Variants in CALCR observed in about 807,000 individuals in gnomAD.
CALCR encodes calcitonin receptor.
CALCR carries 47 observed loss-of-function variants against 59.5 expected under a neutral mutation model. The observed-to-expected ratio is 0.79, with a 90% CI of 0.63 to 1.01. The LOEUF is 1.01. Among genes scored for constraint, CALCR ranks in the 50% least tolerant of loss-of-function variants. CALCR has a pLI of 0.00. For synonymous variants in CALCR, 213 were observed against 211.3 expected, an observed-to-expected ratio of 1.01 and a Z score of -0.07; for missense variants, 566 against 597.1, an observed-to-expected ratio of 0.95 and a Z score of 0.54.
chr7:93,494,125 A>G (rs1288919542), intron 2 of CALCR, among the ~76,000 whole-genome samples: 2 of 151,444 alleles, frequency 1.3e-5, no homozygotes, highest in Admixed American at 6.6e-5. Flanking sequence ...GATCCTACTC[A>G]TTAATTCCAA....
At chr7:93,551,765 A>T (rs1187379737) in intron 2 of CALCR, among the ~76,000 whole-genome samples, 1 of 152,168 alleles carries the variant, frequency 6.6e-6, no homozygotes, top group East Asian at 1.9e-4. Flanking sequence ...TAGGAGTCAA[A>T]TTCTGCAGTA....
chr7:93,521,410 T>C (rs571567324), intron 2 of CALCR, among the ~76,000 whole-genome samples: 9 of 152,258 alleles, frequency 5.9e-5, no homozygotes, highest in Admixed American at 4.6e-4. Context: ...TTTTTATAGA[T>C]ACAAAGGAAT....
At chr7:93,528,136 C>T (rs936178611) in intron 2 of CALCR, among the ~76,000 whole-genome samples, 5 of 152,232 alleles carry the variant, frequency 3.3e-5, no homozygotes, top group East Asian at 3.9e-4. Flanking sequence ...AAATAAATTT[C>T]GTACACTTCT....
chr7:93,450,118 G>C (rs1424353453), intron 8 of CALCR, among the ~76,000 whole-genome samples: 2 of 151,924 alleles, frequency 1.3e-5, no homozygotes, highest in Non-Finnish European at 2.9e-5. Context: ...CAACATAAAA[G>C]AACACTTTTC....
chr7:93,515,985 A>T (rs77534893), intron 2 of CALCR, among the ~76,000 whole-genome samples: 1 of 120,166 alleles, frequency 8.3e-6, no homozygotes, highest in African/African-American at 5.0e-5. Flanking sequence ...AAAATATAAG[A>T]AAGCATTGAG....
chr7:93,489,867 C>T (rs2115947575), intron 2 of CALCR, among the ~76,000 whole-genome samples: 1 of 151,966 alleles, frequency 6.6e-6, no homozygotes, highest in African/African-American at 2.4e-5. Flanking sequence ...TGAAACTATT[C>T]TGAAGAATTG....
chr7:93,460,595 A>G (rs372099595), intron 8 of CALCR, among the ~76,000 whole-genome samples: 15 of 77,818 alleles, frequency 1.9e-4, no homozygotes, highest in Middle Eastern at 7.7e-3. Context: ...ATATATATGT[A>G]TATATATATA....
chr7:93,443,407 A>C (rs1799949386), intron 9 of CALCR, among the ~76,000 whole-genome samples, 197 bp downstream of exon 9: 1 of 152,002 alleles, frequency 6.6e-6, no homozygotes, highest in South Asian at 2.1e-4. Context: ...GCAGACCCTC[A>C]TGTTCAGCAC....
At position 93,512,527 on chromosome 7, in the gene CALCR, A is replaced by C. The variant is rs188707519; in HGVS notation, c.-26-25520T>G. On this transcript the variant is annotated intron_variant, in intron 2 of 13. Transcript: ENST00000426151. ...TAATTCAGGGCCTTAAAAAATGCAC[A>C]TAAGATGAGACTTTTGTAAAGTTTA... Among the ~76,000 whole-genome samples the C allele has an allele frequency of 5.1e-4, 77 of 152,334 alleles. 1 individual carries two copies. The highest frequency in any genetic ancestry group is 1.8e-3 in the African/African-American group (76 of 41,598).
intron 2 of CALCR, among the ~76,000 whole-genome samples, chr7:93,562,702 G>A (rs1441993781): frequency 1.3e-5 from 2 of 152,120 alleles, no homozygotes; most frequent in African/African-American, 2.4e-5. Context: ...GAAGATTCTG[G>A]ACAGTGATGG....
intron 2 of CALCR, among the ~76,000 whole-genome samples, chr7:93,524,548 CAT>C (rs1435486429): frequency 6.6e-6 from 1 of 151,954 alleles, no homozygotes; most frequent in African/African-American, 2.4e-5. Context: ...TCTTATATCT[CAT>C]ATATTTTATT....
intron 2 of CALCR, among the ~76,000 whole-genome samples, chr7:93,491,989 A>G (rs1801088587): frequency 6.6e-6 from 1 of 151,824 alleles, no homozygotes; most frequent in African/African-American, 2.4e-5. Flanking sequence ...TAACAATGTC[A>G]TGGAACCAAC....
At chr7:93,436,678 T>C (rs1427737962) in intron 11 of CALCR, among the ~76,000 whole-genome samples, 1 of 152,192 alleles carries the variant, frequency 6.6e-6, no homozygotes, top group Non-Finnish European at 1.5e-5. Context: ...TATCCTGCTT[T>C]AGAAATCTTT....
intron 2 of CALCR, among the ~76,000 whole-genome samples, chr7:93,523,943 C>A (rs959321506): frequency 2.6e-5 from 4 of 151,904 alleles, no homozygotes; most frequent in Non-Finnish European, 5.9e-5. Flanking sequence ...CTAATGGATG[C>A]TCATACTTTC....
At chr7:93,547,543 G>A (rs571876552) in intron 2 of CALCR, among the ~76,000 whole-genome samples, 1 of 152,290 alleles carries the variant, frequency 6.6e-6, no homozygotes, top group East Asian at 1.9e-4. Context: ...AGAATTTGAA[G>A]CAGGCCATAC....
intron 6 of CALCR, among the ~76,000 whole-genome samples, chr7:93,469,986 T>C (rs1302940246): frequency 7.4e-6 from 1 of 134,374 alleles, no homozygotes; most frequent in Non-Finnish European, 1.7e-5. Context: ...GAGCCCTTTC[T>C]TGGTTATGTG....
chr7:93,494,068 ACAC>A (rs2115969677), intron 2 of CALCR, among the ~76,000 whole-genome samples: 1 of 151,478 alleles, frequency 6.6e-6, no homozygotes, highest in Admixed American at 6.6e-5. Context: ...GATATGTAGA[ACAC>A]CACGGGTGGT....
chr7:93,544,218 TTTC>T (rs35699742), intron 2 of CALCR, among the ~76,000 whole-genome samples: 12,267 of 151,808 alleles, frequency 0.081, 546 homozygotes, highest in Non-Finnish European at 0.089. Flanking sequence ...AAAAACAAAA[TTTC>T]TTCTGATACC....
chr7:93,444,743 G>A, intron 8 of CALCR, among the ~76,000 whole-genome samples: 1 of 151,990 alleles, frequency 6.6e-6, no homozygotes, highest in Admixed American at 6.6e-5. Flanking sequence ...AATGACAACG[G>A]AATTTAGCAT....
Sources: gnomAD v4.1 joint callset for allele counts (sites outside exome capture counted in the v4.1 genomes callset) on GRCh38, gnomAD v4.1.1 for gene constraint, MANE v1.5 for transcripts, NCBI Gene and HGNC (gene_info 2026-07-23, HGNC 2026-07-21) for gene names.